Variants in FOXP1 observed in about 807,000 individuals in gnomAD.
FOXP1 encodes forkhead box P1.
Under a neutral mutation model 98.2 loss-of-function variants are expected in FOXP1, and 15 were observed. That is an observed-to-expected ratio of 0.15 (90% confidence interval 0.10 to 0.24). FOXP1 has a LOEUF of 0.24. Among genes scored for constraint, FOXP1 ranks in the 10% least tolerant of loss-of-function variants. The pLI, the probability that FOXP1 is intolerant of heterozygous loss-of-function variation, is 1.00. For missense variants in FOXP1, 633 were observed against 848.5 expected, an observed-to-expected ratio of 0.75 and a Z score of 3.15; for synonymous variants, 371 against 314.5, an observed-to-expected ratio of 1.18 and a Z score of -1.90.
At chr3:71,168,361 T>C (rs1272699515) in intron 6 of FOXP1, among the ~76,000 whole-genome samples, 1 of 152,152 alleles carries the variant, frequency 6.6e-6, no homozygotes, top group East Asian at 1.9e-4. Context: ...CTGCTAAATC[T>C]ATTAACTTTG....
Position 71,222,663 on chromosome 3 carries a change from C to A in FOXP1, c.-11-24271G>T, listed in dbSNP as rs534792207. On this transcript the variant is annotated intron_variant, in intron 5 of 20. Coordinates refer to ENST00000649528, the MANE Select transcript of FOXP1 (RefSeq NM_001349338.3). ...CGAACTCCTGACCTCAGGTTATCTG[C>A]CTGCCTTGGCCTCCCAAAGCCTTGG... Among the ~76,000 whole-genome samples the A allele has an allele frequency of 1.3e-4, 20 of 152,298 alleles. No individual in the cohort carries two copies. The East Asian group carries it at 3.9e-3, about 29-fold the overall frequency.
chr3:70,994,404 A>G (rs1486989514), intron 13 of FOXP1, among the ~76,000 whole-genome samples: 1 of 152,162 alleles, frequency 6.6e-6, no homozygotes, highest in East Asian at 1.9e-4. Context: ...ATTAATTTTA[A>G]GAGCAATATA....
At chr3:71,492,538 G>T (rs1296751648) in intron 3 of FOXP1, among the ~76,000 whole-genome samples, 1 of 151,934 alleles carries the variant, frequency 6.6e-6, no homozygotes, top group Non-Finnish European at 1.5e-5. Flanking sequence ...CCAATACAGT[G>T]CCCTTTCTGC....
chr3:71,248,525 G>A (rs902677029), intron 5 of FOXP1, among the ~76,000 whole-genome samples: 4 of 152,078 alleles, frequency 2.6e-5, no homozygotes, highest in East Asian at 1.9e-4. Flanking sequence ...GGTGGATCAC[G>A]AGCTCAGGAG....
At chr3:71,456,577 A>C (rs1233583783) in intron 3 of FOXP1, among the ~76,000 whole-genome samples, 1 of 152,092 alleles carries the variant, frequency 6.6e-6, no homozygotes, top group African/African-American at 2.4e-5. Context: ...TCCCCTACAC[A>C]CTAGCTTGGG....
intron 6 of FOXP1, among the ~76,000 whole-genome samples, chr3:71,174,827 C>CACACACACACACACACACACA (rs1553767955): frequency 7.0e-6 from 1 of 142,314 alleles, no homozygotes; most frequent in Non-Finnish European, 1.5e-5. Context: ...CACACACACA[C>CACACACACACACACACACACA]CCCAATATAC....
At chr3:71,082,286 G>GAAAAAAAA (rs75431341) in intron 7 of FOXP1, among the ~76,000 whole-genome samples, 7 of 84,546 alleles carry the variant, frequency 8.3e-5, no homozygotes, top group Non-Finnish European at 5.2e-5. Flanking sequence ...TTAAAAAAAA[G>GAAAAAAAA]AAAAAAAAAA....
chr3:71,398,411 C>A (rs559884605), intron 3 of FOXP1, among the ~76,000 whole-genome samples: 1 of 152,194 alleles, frequency 6.6e-6, no homozygotes, highest in Non-Finnish European at 1.5e-5. Flanking sequence ...GCACTAAGCA[C>A]GCTGAAAACA....
At chr3:71,528,886 A>C (rs759618247) in intron 2 of FOXP1, among the ~76,000 whole-genome samples, 115 of 152,222 alleles carry the variant, frequency 7.6e-4, no homozygotes, top group Non-Finnish European at 1.5e-3. Flanking sequence ...GATTTGTAAG[A>C]CAGTCTTGAA....
chr3:71,144,338 C>T (rs1424448815), intron 6 of FOXP1, among the ~76,000 whole-genome samples: 1 of 152,168 alleles, frequency 6.6e-6, no homozygotes, highest in East Asian at 1.9e-4. Context: ...TCTTCCCAAA[C>T]CTACAACCCA....
At chr3:71,092,407 C>T (rs2055974520) in intron 7 of FOXP1, among the ~76,000 whole-genome samples, 7 of 151,744 alleles carry the variant, frequency 4.6e-5, no homozygotes, top group Admixed American at 4.6e-4. Flanking sequence ...CCAGGATGTG[C>T]CAGTCTGTGT....
intron 6 of FOXP1, among the ~76,000 whole-genome samples, chr3:71,182,544 A>G (rs1468827431): frequency 9.1e-5 from 12 of 131,592 alleles, no homozygotes; most frequent in African/African-American, 3.6e-4. Flanking sequence ...ATATATGTAT[A>G]TATTCTTTTT....
At chr3:71,411,912 G>A (rs534980247) in intron 3 of FOXP1, among the ~76,000 whole-genome samples, 5 of 152,320 alleles carry the variant, frequency 3.3e-5, no homozygotes, top group African/African-American at 7.2e-5. Context: ...CGACTGAGAC[G>A]TGGATATGTC....
chr3:71,312,769 T>C (rs1340649123), intron 4 of FOXP1, among the ~76,000 whole-genome samples: 2 of 152,160 alleles, frequency 1.3e-5, no homozygotes, highest in African/African-American at 4.8e-5. Context: ...TGATCACACT[T>C]GAGGTCAGGA....
At chr3:71,326,713 T>G (rs1326703889) in intron 4 of FOXP1, among the ~76,000 whole-genome samples, 1 of 151,984 alleles carries the variant, frequency 6.6e-6, no homozygotes, top group African/African-American at 2.4e-5. Flanking sequence ...ATGTATTAGG[T>G]GGGTAAATAT....
At chr3:71,182,075 A>C (rs943154197) in intron 6 of FOXP1, among the ~76,000 whole-genome samples, 2 of 152,012 alleles carry the variant, frequency 1.3e-5, no homozygotes, top group Non-Finnish European at 2.9e-5. Flanking sequence ...AAAGAAAACA[A>C]ATGTGGTTTT....
chr3:71,339,690 A>T (rs1227728181), intron 4 of FOXP1, among the ~76,000 whole-genome samples: 1 of 152,228 alleles, frequency 6.6e-6, no homozygotes, highest in Non-Finnish European at 1.5e-5. Context: ...GTGAACCAGG[A>T]ATGCTGGTAG....
chr3:71,451,453 A>G (rs181507242), intron 3 of FOXP1, among the ~76,000 whole-genome samples: 1 of 152,358 alleles, frequency 6.6e-6, no homozygotes, highest in African/African-American at 2.4e-5. Context: ...AAGCTTGTGA[A>G]GGAAGATAAA....
chr3:71,005,314 TA>T (rs60664354), intron 12 of FOXP1, among the ~76,000 whole-genome samples: 58 of 25,262 alleles, frequency 2.3e-3, no homozygotes, highest in African/African-American at 6.2e-3. Context: ...ATACCTGATT[TA>T]AAAAAAAAAA....
Sources: allele counts gnomAD v4.1 joint callset (sites outside exome capture counted in the v4.1 genomes callset), GRCh38; gene constraint gnomAD v4.1.1; transcripts MANE v1.5; gene names NCBI Gene and HGNC (gene_info 2026-07-23, HGNC 2026-07-21).